MCM8: variants seen among roughly 807,000 people sequenced by gnomAD.
The protein encoded by MCM8 is DNA helicase MCM8.
A neutral mutation model predicts 98.9 loss-of-function variants in MCM8; 85 were observed. That is an observed-to-expected ratio of 0.86 (90% CI 0.72 to 1.03). The LOEUF (loss-of-function observed/expected upper bound fraction) is 1.03, where lower values mean the gene tolerates loss of function less well. MCM8 is among the 50% of genes least tolerant of loss of function. The probability of loss-of-function intolerance (pLI) is 0.00; values close to 1 mark genes in which losing one functional copy is unlikely to be tolerated. For synonymous variants in MCM8, 352 were observed against 338.6 expected, an observed-to-expected ratio of 1.04 and a Z score of -0.44; for missense variants, 951 against 997.8, an observed-to-expected ratio of 0.95 and a Z score of 0.63.
intron 14 of MCM8, 55 bp downstream of exon 14, chr20:5,983,220 A>T: frequency 7.1e-7 from 1 of 1,409,418 alleles, no homozygotes; most frequent in Non-Finnish European, 9.7e-7. Flanking sequence ...TTAATTCAAT[A>T]AGAAAAAGAA....
intron 17 of MCM8, among the ~76,000 whole-genome samples, chr20:5,991,825 C>T (rs2089858715): frequency 6.6e-6 from 1 of 152,122 alleles, no homozygotes; most frequent in Non-Finnish European, 1.5e-5. Flanking sequence ...TAAAGTTGAC[C>T]TTAGTAATGA....
chr20:5,980,802 A>G (rs953690834), intron 13 of MCM8, among the ~76,000 whole-genome samples: 1 of 150,168 alleles, frequency 6.7e-6, no homozygotes. Context: ...AACCAAGGAG[A>G]TGGAGGTTGT....
intron 3 of MCM8, among the ~76,000 whole-genome samples, chr20:5,954,308 A>C (rs976992055): frequency 5.9e-5 from 9 of 152,148 alleles, no homozygotes; most frequent in Admixed American, 2.0e-4. Context: ...GTTTAAGCTT[A>C]TTGTCTAAAT....
In MCM8 at chr20:5,968,037, G is replaced by C. The variant is rs376342167; in HGVS notation, c.1223+12G>C. The stretch of plus-strand genomic sequence containing the variant: ...AAACTCATTGTCAAGTATGTATGCT[G>C]TCATTTGAAATTTTATTACATAGAT... On this transcript the variant is annotated intron_variant, in intron 10 of 18. Transcript: ENST00000610722. 4.4e-6 allele frequency: 7 copies of C among 1,584,776 alleles called. No individual in the cohort carries two copies. The Admixed American group carries it at 9.2e-5, about 21-fold the overall frequency.
chr20:5,978,292 TC>T lies in MCM8; in HGVS notation c.1537+278del, dbSNP rs376999267. Reference sequence around the variant, plus strand: ...ATAAATATGTGTAGCTCCCTGAACTTCCCATTTCATACCACCTATCATATTT... The same window carrying T: ...ATAAATATGTGTAGCTCCCTGAACTTCCATTTCATACCACCTATCATATTT... On this transcript the variant is annotated intron_variant, in intron 13 of 18. Transcript: ENST00000610722. Among the ~76,000 whole-genome samples, 609 of 151,890 alleles carry T rather than the reference TC, an allele frequency of 4.0e-3. 3 individuals are homozygous for T. The highest frequency in any genetic ancestry group is 0.014 in the African/African-American group (574 of 41,544).
At chr20:5,993,758 G>C (rs1334878446) in intron 18 of MCM8, 63 bp downstream of exon 18, 2 of 1,301,238 alleles carry the variant, frequency 1.5e-6, no homozygotes, top group Non-Finnish European at 2.1e-6. Flanking sequence ...ATATATAGTA[G>C]AACAGAAACA....
At chr20:5,971,353 C>A (rs755086669) in intron 10 of MCM8, among the ~76,000 whole-genome samples, 1 of 152,234 alleles carries the variant, frequency 6.6e-6, no homozygotes, top group Non-Finnish European at 1.5e-5. Flanking sequence ...AAACTTTGGT[C>A]TCTACAACCT....
chr20:5,966,129 A>G (rs767021855), intron 8 of MCM8, among the ~76,000 whole-genome samples: 8 of 152,068 alleles, frequency 5.3e-5, no homozygotes, highest in Non-Finnish European at 1.0e-4. Flanking sequence ...TCTGCTGTTT[A>G]TGAGAGGTCT....
At chr20:5,983,428 G>A (rs943510175) in intron 14 of MCM8, among the ~76,000 whole-genome samples, 14 of 152,180 alleles carry the variant, frequency 9.2e-5, no homozygotes, top group African/African-American at 3.1e-4. Context: ...TGGCTGGGCG[G>A]GTGGCTTATG....
chr20:5,977,724 A>G lies in MCM8; in HGVS notation c.1396-152A>G, dbSNP rs1568588522. The G allele has an allele frequency of 7.1e-6, 5 of 706,256 alleles. 1 individual carries two copies. Among genetic ancestry groups the G allele is most frequent in the Admixed American group, 6.1e-5 (2 of 33,016 alleles). The allele number at this position is 706,256 out of a possible 1,614,324, so 43.7% of individuals were successfully genotyped here. A position where few individuals can be genotyped will look rare whatever the true frequency, so the allele number is the denominator to read the frequency against. ...TTTTGACATCAGTAAATCAGGATAT[A>G]ATAATACCTTTCTCTGCTGGTGATG... On this transcript the variant is annotated intron_variant, in intron 12 of 18. Coordinates refer to ENST00000610722, the MANE Select transcript of MCM8 (RefSeq NM_032485.6).
chr20:5,987,217 G>T (rs1283632793), intron 16 of MCM8, 65 bp from the exon 17 acceptor site: 1 of 1,484,634 alleles, frequency 6.7e-7, no homozygotes, highest in East Asian at 2.3e-5. Context: ...ATGAAGTAAA[G>T]CTTAGACATA....
At chr20:5,957,266 G>T in intron 6 of MCM8, 37 bp downstream of exon 6, 1 of 1,505,342 alleles carries the variant, frequency 6.6e-7, no homozygotes, top group Non-Finnish European at 9.1e-7. Flanking sequence ...TACTTAGAAT[G>T]GGACATTGAA....
chr20:5,965,013 A>G (rs575646892), intron 8 of MCM8, among the ~76,000 whole-genome samples: 1 of 152,316 alleles, frequency 6.6e-6, no homozygotes, highest in South Asian at 2.1e-4. Context: ...GACATTAGAA[A>G]CATACTTGTT....
chr20:5,983,490 A>G (rs2089670737), intron 14 of MCM8, among the ~76,000 whole-genome samples: 1 of 152,180 alleles, frequency 6.6e-6, no homozygotes, highest in African/African-American at 2.4e-5. Flanking sequence ...ACCTGAAGTC[A>G]GGAGTTTGAG....
chr20:5,970,255 T>C (rs1318829553), intron 10 of MCM8, among the ~76,000 whole-genome samples: 1 of 152,240 alleles, frequency 6.6e-6, no homozygotes, highest in Non-Finnish European at 1.5e-5. Context: ...AGAAAAAGTT[T>C]GTCAACCCAG....
chr20:5,957,128 G>A lies in MCM8; in HGVS notation c.489G>A (p.Val163=). The A allele has an allele frequency of 6.2e-7, 1 of 1,611,350 alleles. No homozygotes were observed. Among genetic ancestry groups the A allele is most frequent in the Non-Finnish European group, 8.5e-7 (1 of 1,177,984 alleles). The part of the protein sequence containing the change: ...LACMGLAIHQ[V]LTKDLERHAA... ...GAGTAAATGTCTGTCCTGTTTAGGT[G>A]TTAACTAAGGACCTTGAAAGGCATG... Residue 163 remains valine (V), a splice_region_variant and synonymous_variant, in exon 6 of 19, where the codon GTG becomes GTA. Transcript: ENST00000610722.
intron 7 of MCM8, among the ~76,000 whole-genome samples, chr20:5,960,621 A>G (rs184684781): frequency 2.0e-5 from 3 of 152,198 alleles, no homozygotes; most frequent in Admixed American, 2.0e-4. Context: ...CCTAATTTGT[A>G]TATTTTATGC....
chr20:5,952,275 C>G, intron 2 of MCM8, 112 bp downstream of exon 2: 1 of 1,561,676 alleles, frequency 6.4e-7, no homozygotes, highest in Non-Finnish European at 8.6e-7. Context: ...CATGCTACTC[C>G]TTAGTAAGTA....
chr20:5,961,854 G>A (rs1568574327), intron 7 of MCM8, among the ~76,000 whole-genome samples: 1 of 152,294 alleles, frequency 6.6e-6, no homozygotes, highest in African/African-American at 2.4e-5. Flanking sequence ...CTGAACTGTG[G>A]GGCTTTGAAG....
Sources: allele counts gnomAD v4.1 joint callset (sites outside exome capture counted in the v4.1 genomes callset), GRCh38; gene constraint gnomAD v4.1.1; transcripts MANE v1.5; gene names NCBI Gene and HGNC (gene_info 2026-07-23, HGNC 2026-07-21).